ADGRL3: variants seen among roughly 807,000 people sequenced by gnomAD.
ADGRL3 encodes the protein adhesion G protein-coupled receptor L3.
A neutral mutation model predicts 153.5 loss-of-function variants in ADGRL3; 62 were observed. The ratio of observed to expected loss-of-function variants is 0.40; its 90% CI spans 0.33 to 0.50. The LOEUF (loss-of-function observed/expected upper bound fraction) is 0.50, where lower values mean the gene tolerates loss of function less well. ADGRL3 is among the 20% of genes least tolerant of loss of function. ADGRL3 has a pLI of 0.47. For missense variants in ADGRL3, 1,641 were observed against 1,859.4 expected, an observed-to-expected ratio of 0.88 and a Z score of 2.16; for synonymous variants, 710 against 672.5, an observed-to-expected ratio of 1.06 and a Z score of -0.86.
At chr4:61,803,961 A>G (rs2148469454) in intron 8 of ADGRL3, among the ~76,000 whole-genome samples, 1 of 152,320 alleles carries the variant, frequency 6.6e-6, no homozygotes, top group Non-Finnish European at 1.5e-5. Context: ...CTGCAAACAT[A>G]AAAGTAGGAT....
chr4:61,524,343 T>C (rs2098547587), intron 4 of ADGRL3, among the ~76,000 whole-genome samples: 1 of 152,206 alleles, frequency 6.6e-6, no homozygotes, highest in African/African-American at 2.4e-5. Flanking sequence ...TATGTAAGTC[T>C]CCAGTACAGA....
intron 8 of ADGRL3, among the ~76,000 whole-genome samples, chr4:61,748,469 G>T (rs1263947052): frequency 1.3e-5 from 2 of 151,394 alleles, no homozygotes; most frequent in South Asian, 2.1e-4. Flanking sequence ...ATACTACAAG[G>T]CTACAGTAAC....
chr4:61,252,173 G>A (rs902483941), intron 1 of ADGRL3, among the ~76,000 whole-genome samples: 3 of 152,004 alleles, frequency 2.0e-5, no homozygotes, highest in East Asian at 3.9e-4. Context: ...ATGAGCCACC[G>A]CGCCCAGCCC....
chr4:61,573,003 T>A (rs751231764), intron 4 of ADGRL3, among the ~76,000 whole-genome samples: 6 of 151,956 alleles, frequency 3.9e-5, no homozygotes, highest in Non-Finnish European at 7.4e-5. Context: ...ACTTGTAAAA[T>A]AAGATTTATG....
chr4:62,028,732 A>T (rs766040679), intron 21 of ADGRL3, 123 bp from the exon 22 acceptor site: 10 of 632,760 alleles, frequency 1.6e-5, no homozygotes, highest in African/African-American at 3.8e-5. Context: ...AAGGATAATG[A>T]TTTCTTTTAG....
chr4:61,840,156 T>C (rs1581087852), intron 9 of ADGRL3, among the ~76,000 whole-genome samples: 2 of 152,208 alleles, frequency 1.3e-5, no homozygotes, highest in Admixed American at 1.3e-4. Context: ...CTCGCCTCCC[T>C]GCAACCAGTG....
intron 1 of ADGRL3, among the ~76,000 whole-genome samples, chr4:61,215,929 C>G (rs567834141): frequency 2.1e-4 from 32 of 152,106 alleles, no homozygotes; most frequent in African/African-American, 7.5e-4. Context: ...TAACTTGTAT[C>G]GAATTAGTCA....
intron 8 of ADGRL3, among the ~76,000 whole-genome samples, chr4:61,736,458 C>G (rs1444718297): frequency 6.6e-6 from 1 of 152,030 alleles, no homozygotes; most frequent in African/African-American, 2.4e-5. Flanking sequence ...GTTCAAAAAC[C>G]TAGCCTGGCC....
At chr4:61,776,311 G>C in intron 8 of ADGRL3, among the ~76,000 whole-genome samples, 2 of 152,166 alleles carry the variant, frequency 1.3e-5, no homozygotes, top group Admixed American at 1.3e-4. Flanking sequence ...CTAACAGTGA[G>C]CAAGAAGACT....
rs543620282 is a variant in ADGRL3, at chr4:61,372,382, T to C, written c.-239-10742T>C. On this transcript the variant is annotated intron_variant, in intron 1 of 26. Coordinates refer to ENST00000683033, the MANE Select transcript of ADGRL3 (RefSeq NM_001387552.1). ...GGTTTTATCTACTTTTGGTCTTTGA[T>C]GATGGTGATGTACAGATGGGTTTTT... Among the ~76,000 whole-genome samples the C allele has an allele frequency of 1.8e-4, 27 of 152,054 alleles. No homozygotes were observed. In the South Asian group the frequency reaches 5.2e-3, roughly 29 times the overall value.
chr4:61,647,850 G>A (rs1230566426), intron 5 of ADGRL3, among the ~76,000 whole-genome samples: 1 of 151,916 alleles, frequency 6.6e-6, no homozygotes, highest in Non-Finnish European at 1.5e-5. Flanking sequence ...TCCACTGTAA[G>A]TTTTCTTTCT....
chr4:61,590,942 T>A (rs2098966530), intron 5 of ADGRL3, among the ~76,000 whole-genome samples: 1 of 152,196 alleles, frequency 6.6e-6, no homozygotes, highest in Non-Finnish European at 1.5e-5. Context: ...GTGGACGTTT[T>A]ATTGATGTAT....
chr4:62,056,785 A>G (rs1737259489), intron 25 of ADGRL3, among the ~76,000 whole-genome samples: 1 of 152,140 alleles, frequency 6.6e-6, no homozygotes, highest in Non-Finnish European at 1.5e-5. Flanking sequence ...CAAAGGAGAG[A>G]GAAACATGAT....
chr4:61,415,458 A>G (rs1482315127), intron 2 of ADGRL3, among the ~76,000 whole-genome samples: 1 of 152,084 alleles, frequency 6.6e-6, no homozygotes, highest in Non-Finnish European at 1.5e-5. Flanking sequence ...TTGAATTGTC[A>G]TGGAAAATTC....
At chr4:61,444,338 C>A (rs966311158) in intron 2 of ADGRL3, among the ~76,000 whole-genome samples, 17 of 152,244 alleles carry the variant, frequency 1.1e-4, no homozygotes, top group Middle Eastern at 3.4e-3. Context: ...TTTGGACTTG[C>A]CTGTAGACAC....
At position 61,847,845 on chromosome 4, in the gene ADGRL3, T is replaced by C. The variant is rs1383300586; in HGVS notation, c.1480+33956T>C. Among the ~76,000 whole-genome samples, 17 of 14,180 alleles carry C rather than the reference T, an allele frequency of 1.2e-3. 3 individuals carry two copies. Among genetic ancestry groups the C allele is most frequent in the Non-Finnish European group, 3.0e-3 (16 of 5,408 alleles). 9.3% of individuals were successfully genotyped at this position (14,180 alleles called of 152,430 possible). A position where few individuals can be genotyped will look rare whatever the true frequency, so the allele number is the denominator to read the frequency against. Reference sequence around the variant, plus strand: ...TATAATATAAAATATATATATAATATAAAATATATTATATATAATATAAAA... The same window carrying C: ...TATAATATAAAATATATATATAATACAAAATATATTATATATAATATAAAA... On this transcript the variant is annotated intron_variant, in intron 9 of 26. Coordinates refer to ENST00000683033, the MANE Select transcript of ADGRL3 (RefSeq NM_001387552.1).
At chr4:62,029,247 T>G (rs1720609380) in intron 22 of ADGRL3, among the ~76,000 whole-genome samples, 1 of 151,748 alleles carries the variant, frequency 6.6e-6, no homozygotes, top group African/African-American at 2.4e-5. Context: ...ATCATTCATC[T>G]AAAATTATTG....
At position 61,392,708 on chromosome 4, in the gene ADGRL3, A is replaced by AAAAAAAAAAAAAAGT. The variant is rs1560565678; in HGVS notation, c.-174+9523_-174+9524insAAAAAAAAAGTAAAA. 4.3e-5 allele frequency among the ~76,000 whole-genome samples: 4 copies of AAAAAAAAAAAAAAGT among 92,738 alleles called. 1 individual carries two copies. The highest frequency in any genetic ancestry group is 7.1e-5 in the Non-Finnish European group (3 of 42,132). The allele number at this position is 92,738 out of a possible 152,430, so 60.8% of individuals were successfully genotyped here. ...TCAAAAAAAAAAAAAAAAAAAAAAG[A>AAAAAAAAAAAAAAGT]AAAAGGAAAATAAAGAAAGAGAGAA... is the stretch of plus-strand genomic sequence containing the variant. On this transcript the variant is annotated intron_variant, in intron 2 of 26. Coordinates refer to ENST00000683033, the MANE Select transcript of ADGRL3 (RefSeq NM_001387552.1).
intron 5 of ADGRL3, among the ~76,000 whole-genome samples, chr4:61,650,683 T>G (rs1378123260): frequency 6.6e-6 from 1 of 152,190 alleles, no homozygotes; most frequent in East Asian, 1.9e-4. Context: ...GACTACCAAG[T>G]AAGCTAAATG....
Sources: gnomAD v4.1 joint callset for allele counts (sites outside exome capture counted in the v4.1 genomes callset) on GRCh38, gnomAD v4.1.1 for gene constraint, MANE v1.5 for transcripts, NCBI Gene and HGNC (gene_info 2026-07-23, HGNC 2026-07-21) for gene names.